Variants in ORC2 observed in about 807,000 individuals in gnomAD.
ORC2 encodes the protein origin recognition complex protein 2 homolog.
A neutral mutation model predicts 77.7 loss-of-function variants in ORC2; 37 were observed. The ratio of observed to expected loss-of-function variants is 0.48; its 90% CI spans 0.37 to 0.63. The LOEUF is 0.63. Ranked by LOEUF, ORC2 falls within the 20% of genes least tolerant of loss-of-function variation. ORC2 has a pLI of 0.00. For synonymous variants in ORC2, 201 were observed against 229.5 expected, an observed-to-expected ratio of 0.88 and a Z score of 1.12; for missense variants, 557 against 661.9, an observed-to-expected ratio of 0.84 and a Z score of 1.74.
At chr2:200,934,613 G>C (rs1334091766) in intron 9 of ORC2, among the ~76,000 whole-genome samples, 1 of 151,392 alleles carries the variant, frequency 6.6e-6, no homozygotes, top group Non-Finnish European at 1.5e-5. Flanking sequence ...ACAGGCATGA[G>C]CCACCATGCC....
chr2:200,926,916 GTA>G lies in ORC2; in HGVS notation c.918-18_918-17del. ...GAACCCAAGGCTGTTAGGAAAGACA[GTA>G]TTCATGAAATTAAACTTCAATACCT... On this transcript the variant is annotated splice_polypyrimidine_tract_variant and intron_variant, in intron 11 of 17. Transcript: ENST00000234296. 6.2e-7 allele frequency: 1 copy of G among 1,609,610 alleles called. No homozygotes were observed.
At chr2:200,956,437 T>C (rs2041465454) in intron 4 of ORC2, among the ~76,000 whole-genome samples, 1 of 152,024 alleles carries the variant, frequency 6.6e-6, no homozygotes, top group South Asian at 2.1e-4. Context: ...TGCTTTGGTC[T>C]CCCAATATGC....
At chr2:200,956,155 C>A (rs1210584677) in intron 4 of ORC2, among the ~76,000 whole-genome samples, 1 of 152,202 alleles carries the variant, frequency 6.6e-6, no homozygotes, top group East Asian at 1.9e-4. Context: ...TAGCCTCAAC[C>A]TCCTGGGCTC....
chr2:200,934,459 C>T (rs904091320), intron 9 of ORC2, among the ~76,000 whole-genome samples: 1 of 151,420 alleles, frequency 6.6e-6, no homozygotes, highest in Non-Finnish European at 1.5e-5. Flanking sequence ...GGACTACAGG[C>T]ATGCACCACT....
chr2:200,957,992 T>G, intron 3 of ORC2, 38 bp downstream of exon 3: 1 of 1,221,118 alleles, frequency 8.2e-7, no homozygotes, highest in Non-Finnish European at 1.2e-6. Flanking sequence ...ATAAACATTA[T>G]AATAAGCATC....
Position 200,958,050 on chromosome 2 carries a change from T to A in ORC2, c.74A>T (p.His25Leu). Residue 25 changes from histidine to leucine, a missense_variant, in exon 3 of 18, where the codon CAC becomes CTC. His to Leu is a moderately conservative substitution (Grantham distance 99). Coordinates refer to ENST00000234296, the MANE Select transcript of ORC2 (RefSeq NM_006190.5). ...HFVGDDDVLN[H>L]ILDREGGAKL... ...AATACCTCCTTCTCTATCTAGAATG[T>A]GATTAAGAACATCATCATCTCCCAC... is the stretch of plus-strand genomic sequence containing the variant. 1 of 1,601,256 alleles carries A rather than the reference T, an allele frequency of 6.2e-7. No individual in the cohort carries two copies. Among genetic ancestry groups the A allele is most frequent in the Non-Finnish European group, 8.6e-7 (1 of 1,168,780 alleles).
Position 200,948,075 on chromosome 2 carries a change from A to ATTTTTTT in ORC2, c.328+1472_328+1478dup, listed in dbSNP as rs57958964. ...AGTCGCCCGCCACCACGCCTGGCTA[A>ATTTTTTT]TTTTTTTTTTTGTATTTTTAGTAGA... On this transcript the variant is annotated intron_variant, in intron 5 of 17. Coordinates refer to ENST00000234296, the MANE Select transcript of ORC2 (RefSeq NM_006190.5). Among the ~76,000 whole-genome samples, 579 of 146,036 alleles carry ATTTTTTT rather than the reference A, an allele frequency of 4.0e-3. 6 individuals are homozygous for ATTTTTTT. Among genetic ancestry groups the ATTTTTTT allele is most frequent in the African/African-American group, 0.014 (555 of 39,614 alleles).
chr2:200,935,903 A>T lies in ORC2; in HGVS notation c.515-11T>A. On this transcript the variant is annotated splice_polypyrimidine_tract_variant and intron_variant, in intron 8 of 17. Coordinates refer to ENST00000234296, the MANE Select transcript of ORC2 (RefSeq NM_006190.5). ...AATGAGACCTTGGAACTGTGGGGGGAAAAATAGCAATTTGGACAATTTCAT... is the reference window on the plus strand; with the variant it reads ...AATGAGACCTTGGAACTGTGGGGGGTAAAATAGCAATTTGGACAATTTCAT... The T allele has an allele frequency of 6.2e-7, 1 of 1,605,330 alleles. No individual in the cohort carries two copies.
chr2:200,931,290 T>A lies in ORC2; in HGVS notation c.917+49A>T, dbSNP rs551314412. 3 of 777,118 alleles carry A rather than the reference T, an allele frequency of 3.9e-6. No homozygotes were observed. In the African/African-American group the frequency reaches 5.6e-5, roughly 15 times the overall value. 48.1% of individuals were successfully genotyped at this position (777,118 alleles called of 1,614,324 possible). On this transcript the variant is annotated intron_variant, in intron 11 of 17. Coordinates refer to ENST00000234296, the MANE Select transcript of ORC2 (RefSeq NM_006190.5). ...TAACTTACTTTAACATAAAGATTCA[T>A]GTAAATATTATTCTTTATTTTACAA...
At chr2:200,926,531 A>G (rs1223174111) in intron 12 of ORC2, among the ~76,000 whole-genome samples, 1 of 152,262 alleles carries the variant, frequency 6.6e-6, no homozygotes, top group Non-Finnish European at 1.5e-5. Flanking sequence ...GATACTCAGT[A>G]TAGTAAACAA....
At chr2:200,920,549 A>C (rs1027591795) in intron 14 of ORC2, among the ~76,000 whole-genome samples, 156 bp from the exon 15 acceptor site, 1 of 152,202 alleles carries the variant, frequency 6.6e-6, no homozygotes, top group Middle Eastern at 3.2e-3. Context: ...GTAACTCACA[A>C]TCTAATTTCA....
intron 10 of ORC2, among the ~76,000 whole-genome samples, chr2:200,933,010 G>T (rs1238451452): frequency 6.6e-6 from 1 of 152,168 alleles, no homozygotes; most frequent in East Asian, 1.9e-4. Flanking sequence ...TCCTCCTAGA[G>T]ATCTTTTTGC....
At chr2:200,937,028 A>C (rs2041059724) in intron 8 of ORC2, among the ~76,000 whole-genome samples, 1 of 152,078 alleles carries the variant, frequency 6.6e-6, no homozygotes, top group Non-Finnish European at 1.5e-5. Flanking sequence ...TTTTGTGGGC[A>C]TATATAGCTC....
At chr2:200,963,388 G>A (rs1369327443) in intron 1 of ORC2, 102 bp downstream of exon 1, 12 of 398,314 alleles carry the variant, frequency 3.0e-5, no homozygotes, top group Non-Finnish European at 4.9e-5. Context: ...GGGACGCTAG[G>A]GGCCAAGCTC....
chr2:200,941,149 A>G lies in ORC2; in HGVS notation c.453+99T>C, dbSNP rs1000983587. ...ATATCTGTAAATTACAAAGCACTAT[A>G]TAAATTAAGAGATCAATTTTTTCAT... On this transcript the variant is annotated intron_variant, in intron 7 of 17. Coordinates refer to ENST00000234296, the MANE Select transcript of ORC2 (RefSeq NM_006190.5). 1.4e-5 allele frequency: 13 copies of G among 912,826 alleles called. No homozygotes were observed. In the African/African-American group the frequency reaches 1.8e-4, roughly 13 times the overall value. The allele number at this position is 912,826 out of a possible 1,614,324, so 56.5% of individuals were successfully genotyped here.
chr2:200,959,192 A>T (rs1422279575), intron 2 of ORC2, among the ~76,000 whole-genome samples, 200 bp downstream of exon 2: 1 of 152,150 alleles, frequency 6.6e-6, no homozygotes, highest in African/African-American at 2.4e-5. Context: ...TATGTTGCCC[A>T]GGCTGGTTCT....
intron 13 of ORC2, among the ~76,000 whole-genome samples, chr2:200,924,117 C>T (rs1291719802): frequency 3.3e-5 from 5 of 152,106 alleles, no homozygotes; most frequent in Admixed American, 6.6e-5. Flanking sequence ...AAGGCCCAGG[C>T]AGGAGTATCC....
intron 15 of ORC2, among the ~76,000 whole-genome samples, 197 bp from the exon 16 acceptor site, chr2:200,914,189 G>A (rs1259730824): frequency 6.3e-5 from 9 of 141,786 alleles, no homozygotes; most frequent in East Asian, 2.0e-4. Context: ...TTTTTGAGAC[G>A]GAGTCTTGCT....
intron 10 of ORC2, 61 bp downstream of exon 10, chr2:200,933,815 C>T (rs759173106): frequency 1.2e-4 from 96 of 814,048 alleles, no homozygotes; most frequent in Admixed American, 2.4e-4. Context: ...CTGTTGCTTA[C>T]GTAGCATATT....
Sources: gnomAD v4.1 joint callset for allele counts (sites outside exome capture counted in the v4.1 genomes callset) on GRCh38, gnomAD v4.1.1 for gene constraint, MANE v1.5 for transcripts, NCBI Gene and HGNC (gene_info 2026-07-23, HGNC 2026-07-21) for gene names.